The following CPXM2 variants were observed in gnomAD, a reference collection of about 807,000 sequenced individuals.
CPXM2 encodes the protein carboxypeptidase X, M14 family member 2.
In CPXM2, 66 loss-of-function variants were observed where a neutral mutation model predicts 86.1. That is an observed-to-expected ratio of 0.77 (90% confidence interval 0.63 to 0.94). The LOEUF (loss-of-function observed/expected upper bound fraction) is 0.94. Among genes scored for constraint, CPXM2 ranks in the 40% least tolerant of loss-of-function variants. The probability of loss-of-function intolerance (pLI) is 0.00; values close to 1 mark genes in which losing one functional copy is unlikely to be tolerated. For synonymous variants in CPXM2, 388 were observed against 400.2 expected, an observed-to-expected ratio of 0.97 and a Z score of 0.36; for missense variants, 948 against 1,026.3, an observed-to-expected ratio of 0.92 and a Z score of 1.04.
intron 10 of CPXM2, 22 bp downstream of exon 10, chr10:123,766,951 G>C (rs759570968): frequency 1.3e-6 from 2 of 1,599,658 alleles, no homozygotes; most frequent in East Asian, 4.5e-5. Context: ...CTGCTTTACA[G>C]ATGACGGGTA....
At chr10:123,747,962 CT>C (rs1846001711) in intron 13 of CPXM2, among the ~76,000 whole-genome samples, 1 of 150,186 alleles carries the variant, frequency 6.7e-6, no homozygotes, top group South Asian at 2.1e-4. Flanking sequence ...AGGCTGAGGT[CT>C]CTCCTCCCAG....
chr10:123,856,822 C>T (rs1848733835), intron 3 of CPXM2, among the ~76,000 whole-genome samples: 1 of 152,162 alleles, frequency 6.6e-6, no homozygotes, highest in African/African-American at 2.4e-5. Flanking sequence ...GAATTCCTGA[C>T]CTCAGGTGAT....
intron 4 of CPXM2, among the ~76,000 whole-genome samples, chr10:123,839,772 C>T (rs892368969): frequency 2.6e-5 from 4 of 152,200 alleles, no homozygotes; most frequent in Non-Finnish European, 4.4e-5. Flanking sequence ...GATGTATCCT[C>T]ATCCCATTTC....
intron 2 of CPXM2, chr10:123,913,601 AGAT>A (rs1945508171): frequency 5.9e-6 from 1 of 170,168 alleles, no homozygotes; most frequent in Non-Finnish European, 1.3e-5. Flanking sequence ...TTAAATAAAT[AGAT>A]GAGGAAATCA....
chr10:123,780,555 C>T (rs1238559798), intron 6 of CPXM2, among the ~76,000 whole-genome samples: 2 of 152,070 alleles, frequency 1.3e-5, no homozygotes, highest in Admixed American at 1.3e-4. Flanking sequence ...TACCCATAAA[C>T]AAGAAAAAGA....
chr10:123,926,599 G>A (rs73368767), intron 2 of CPXM2, among the ~76,000 whole-genome samples: 39,440 of 152,198 alleles, frequency 0.26, 5,340 homozygotes, highest in Middle Eastern at 0.33. Context: ...CACGCAAAAC[G>A]GTTTAGCTTT....
chr10:123,919,517 T>C (rs564540472), intron 2 of CPXM2, among the ~76,000 whole-genome samples: 2 of 152,284 alleles, frequency 1.3e-5, no homozygotes, highest in Admixed American at 1.3e-4. Context: ...TGAACACTCT[T>C]GAAACAAATA....
intron 2 of CPXM2, among the ~76,000 whole-genome samples, chr10:123,901,429 T>TGTGTG (rs1945379896): frequency 3.6e-5 from 5 of 138,956 alleles, no homozygotes; most frequent in South Asian, 2.4e-4. Context: ...CCAAGCAAGT[T>TGTGTG]TGTGTGTGTG....
At chr10:123,770,783 T>C (rs1406103783) in intron 8 of CPXM2, 133 bp downstream of exon 8, 6 of 923,858 alleles carry the variant, frequency 6.5e-6, no homozygotes, top group Non-Finnish European at 9.7e-6. Context: ...AAAATCTGTC[T>C]ACGTGAGACA....
In CPXM2 at chr10:123,826,238, G is replaced by C. The variant is rs374767026; in HGVS notation, c.653+16111C>G. 3.8e-3 allele frequency among the ~76,000 whole-genome samples: 571 copies of C among 152,240 alleles called. 4 individuals are homozygous for C. The highest frequency in any genetic ancestry group is 0.013 in the African/African-American group (536 of 41,540). On this transcript the variant is annotated intron_variant, in intron 4 of 13. Coordinates refer to ENST00000241305, the MANE Select transcript of CPXM2 (RefSeq NM_198148.3). ...AAGCTTACTCCCCCTTCAATGACAG[G>C]AAGACACCACCTGGCAGGATTTTCA...
intron 6 of CPXM2, among the ~76,000 whole-genome samples, chr10:123,792,324 C>CCG (rs939653052): frequency 6.6e-6 from 1 of 152,262 alleles, no homozygotes; most frequent in African/African-American, 2.4e-5. Context: ...CACAGAGTCC[C>CCG]CGATCAGGAA....
At chr10:123,912,315 G>GGC (rs1945496857) in intron 2 of CPXM2, among the ~76,000 whole-genome samples, 1 of 130,330 alleles carries the variant, frequency 7.7e-6, no homozygotes, top group African/African-American at 3.0e-5. Context: ...GGGCGGGGGG[G>GGC]GGGGGGCAGG....
At chr10:123,936,013 TCATCACCACCACCAA>T (rs2134291088) in intron 2 of CPXM2, among the ~76,000 whole-genome samples, 1 of 33,934 alleles carries the variant, frequency 2.9e-5, no homozygotes, top group African/African-American at 1.0e-4. Flanking sequence ...ATCCTTACCA[TCATCACCACCACCAA>T]CACCAGCATC....
intron 7 of CPXM2, among the ~76,000 whole-genome samples, chr10:123,773,815 C>G (rs1177755691): frequency 6.6e-6 from 1 of 152,166 alleles, no homozygotes; most frequent in South Asian, 2.1e-4. Context: ...TTTTAGTCAG[C>G]TCATCACACT....
intron 2 of CPXM2, among the ~76,000 whole-genome samples, chr10:123,903,052 C>T (rs1459342005): frequency 6.6e-6 from 1 of 152,216 alleles, no homozygotes; most frequent in Non-Finnish European, 1.5e-5. Flanking sequence ...CCAACTCTAA[C>T]GCCTCCTCCT....
At chr10:123,935,637 AGT>A (rs1945708709) in intron 2 of CPXM2, among the ~76,000 whole-genome samples, 1 of 152,202 alleles carries the variant, frequency 6.6e-6, no homozygotes, top group Non-Finnish European at 1.5e-5. Context: ...AAGCTGGTGT[AGT>A]GGGTAGGAGC....
rs7922417 is a variant in CPXM2 at position 123,871,424 on chromosome 10, G to T, written c.404-8701C>A. Among the ~76,000 whole-genome samples the T allele has an allele frequency of 7.7e-4, 117 of 152,006 alleles. 1 individual carries two copies. The highest frequency in any genetic ancestry group is 1.3e-4 in the Non-Finnish European group (9 of 68,008). ...GGAAAACTAACACCATTCTTTATAC[G>T]TTGCTTATAAGGCTCAAAAAAAAGG... On this transcript the variant is annotated intron_variant, in intron 2 of 13. Coordinates refer to ENST00000241305, the MANE Select transcript of CPXM2 (RefSeq NM_198148.3).
intron 3 of CPXM2, among the ~76,000 whole-genome samples, chr10:123,859,417 C>T (rs1423355597): frequency 6.6e-6 from 1 of 152,242 alleles, no homozygotes; most frequent in Non-Finnish European, 1.5e-5. Flanking sequence ...GTCCCCATTT[C>T]CCTGTGGCAC....
At chr10:123,873,108 G>A (rs577086395) in intron 2 of CPXM2, among the ~76,000 whole-genome samples, 5 of 152,164 alleles carry the variant, frequency 3.3e-5, no homozygotes, top group African/African-American at 1.2e-4. Context: ...AATTGAAAAG[G>A]AGAAAACAAA....
Sources: allele counts gnomAD v4.1 joint callset (sites outside exome capture counted in the v4.1 genomes callset), GRCh38; gene constraint gnomAD v4.1.1; transcripts MANE v1.5; gene names NCBI Gene and HGNC (gene_info 2026-07-23, HGNC 2026-07-21).